XKR4: variants seen among roughly 807,000 people sequenced by gnomAD.
The protein encoded by XKR4 is XK-related protein 4.
Under a neutral mutation model 53.9 loss-of-function variants are expected in XKR4, and 12 were observed. That is an observed-to-expected ratio of 0.22 (90% CI 0.14 to 0.36). The LOEUF (loss-of-function observed/expected upper bound fraction) is 0.36. Among genes scored for constraint, XKR4 ranks in the 10% least tolerant of loss-of-function variants. The pLI is 1.00. For missense variants in XKR4, 799 were observed against 859.5 expected, an observed-to-expected ratio of 0.93 and a Z score of 0.88; for synonymous variants, 354 against 362.4, an observed-to-expected ratio of 0.98 and a Z score of 0.26.
Position 55,523,973 on chromosome 8 carries a change from G to A in XKR4, c.1699G>A (p.Asp567Asn). Reference sequence around the variant, plus strand: ...CCGCGATCAGAAATTCGCAGAGCGGGATGGGTGTGTACCTGTCTTTCAAGT... The same window carrying A: ...CCGCGATCAGAAATTCGCAGAGCGGAATGGGTGTGTACCTGTCTTTCAAGT... The part of the protein sequence containing the change: ...SDRDQKFAER[D>N]GCVPVFQVRP... The change falls in exon 3 of 3, where the codon GAT becomes AAT. Residue 567 changes from aspartate (D) to asparagine (N), a missense_variant. Asp to Asn is a conservative substitution (Grantham distance 23, BLOSUM62 1). Around this residue, in one of 3 missense-constraint regions of XKR4, gnomAD observed 269 missense variants for 264.4 expected, o/e 1.02. Coordinates refer to ENST00000327381, the MANE Select transcript of XKR4 (RefSeq NM_052898.2). The A allele has an allele frequency of 6.2e-7, 1 of 1,614,166 alleles. No individual in the cohort carries two copies. The highest frequency in any genetic ancestry group is 8.5e-7 in the Non-Finnish European group (1 of 1,180,034).
At chr8:55,355,683 A>C (rs1327958516) in intron 1 of XKR4, among the ~76,000 whole-genome samples, 2 of 152,228 alleles carry the variant, frequency 1.3e-5, no homozygotes, top group African/African-American at 4.8e-5. Flanking sequence ...TTTCCATAAG[A>C]ACACTAGGCT....
chr8:55,299,843 G>A (rs1038541256), intron 1 of XKR4, among the ~76,000 whole-genome samples: 3 of 152,082 alleles, frequency 2.0e-5, no homozygotes, highest in Non-Finnish European at 2.9e-5. Flanking sequence ...TGGTACATTC[G>A]AGGTCTCTGT....
At chr8:55,463,107 G>A (rs1339440504) in intron 2 of XKR4, among the ~76,000 whole-genome samples, 19 of 152,128 alleles carry the variant, frequency 1.2e-4, no homozygotes, top group Admixed American at 1.2e-3. Context: ...ATTGAACTCA[G>A]CTCTACACCA....
chr8:55,430,532 A>T (rs1406288716), intron 2 of XKR4, among the ~76,000 whole-genome samples: 2 of 152,118 alleles, frequency 1.3e-5, no homozygotes, highest in African/African-American at 2.4e-5. Flanking sequence ...GGATGGAGGG[A>T]GGTGTTGTGG....
At chr8:55,285,310 A>T (rs1563315260) in intron 1 of XKR4, among the ~76,000 whole-genome samples, 1 of 152,178 alleles carries the variant, frequency 6.6e-6, no homozygotes, top group Non-Finnish European at 1.5e-5. Flanking sequence ...CATGGAATGG[A>T]TGTGAGTAGG....
At chr8:55,178,141 C>T (rs748754482) in intron 1 of XKR4, among the ~76,000 whole-genome samples, 3 of 152,178 alleles carry the variant, frequency 2.0e-5, no homozygotes, top group Admixed American at 2.0e-4. Flanking sequence ...ATGGACAAAG[C>T]GATAAGAAGC....
At chr8:55,139,051 A>G (rs888703283) in intron 1 of XKR4, among the ~76,000 whole-genome samples, 2 of 152,220 alleles carry the variant, frequency 1.3e-5, no homozygotes, top group African/African-American at 4.8e-5. Context: ...GAAAGTGTAC[A>G]TGGTACCTGT....
At chr8:55,248,820 A>T (rs1443808274) in intron 1 of XKR4, among the ~76,000 whole-genome samples, 1 of 151,758 alleles carries the variant, frequency 6.6e-6, no homozygotes, top group Non-Finnish European at 1.5e-5. Flanking sequence ...GGAGTCTCAG[A>T]GTGTCCCAGG....
intron 1 of XKR4, among the ~76,000 whole-genome samples, chr8:55,274,613 A>G (rs1818739410): frequency 6.6e-6 from 1 of 152,142 alleles, no homozygotes; most frequent in African/African-American, 2.4e-5. Flanking sequence ...TTGTATTTTC[A>G]GTAGAGACGG....
At chr8:55,449,937 C>T in intron 2 of XKR4, 1 of 884,018 alleles carries the variant, frequency 1.1e-6, no homozygotes, top group South Asian at 1.3e-5. Flanking sequence ...TCTGGTCACT[C>T]TCCAGGCTGA....
chr8:55,111,289 C>T (rs575145554), intron 1 of XKR4, among the ~76,000 whole-genome samples: 4 of 152,136 alleles, frequency 2.6e-5, no homozygotes, highest in South Asian at 4.2e-4. Context: ...CTGTATGATG[C>T]GATTGGTTAA....
rs1807020919 is a variant in XKR4, at chr8:55,535,589, G to A, written c.*11362G>A. The stretch of plus-strand genomic sequence containing the variant: ...AGCAATAAATAGTCCTCTTAAGCAA[G>A]GTTCATGGGTAAGAGTTACTCTAGC... On this transcript the variant is annotated 3_prime_UTR_variant, in exon 3 of 3. Coordinates refer to ENST00000327381, the MANE Select transcript of XKR4 (RefSeq NM_052898.2). 1 of 152,166 alleles carries A rather than the reference G, an allele frequency of 6.6e-6. No individual in the cohort carries two copies. Among genetic ancestry groups the A allele is most frequent in the African/African-American group, 2.4e-5 (1 of 41,424 alleles). 9.4% of individuals were successfully genotyped at this position (152,166 alleles called of 1,614,324 possible).
chr8:55,330,930 C>T (rs2129380690), intron 1 of XKR4, among the ~76,000 whole-genome samples: 1 of 152,196 alleles, frequency 6.6e-6, no homozygotes, highest in South Asian at 2.1e-4. Flanking sequence ...GCTTGCTGTA[C>T]AATCTTTTTT....
intron 1 of XKR4, among the ~76,000 whole-genome samples, chr8:55,198,820 G>A (rs1006296185): frequency 2.6e-5 from 4 of 152,132 alleles, no homozygotes; most frequent in African/African-American, 9.7e-5. Flanking sequence ...ATTAGGACAA[G>A]CATAACAAAC....
chr8:55,348,901 T>C (rs1563329918), intron 1 of XKR4, among the ~76,000 whole-genome samples: 1 of 151,968 alleles, frequency 6.6e-6, no homozygotes, highest in Admixed American at 6.6e-5. Flanking sequence ...TAAATACAGA[T>C]AGACAGAGAG....
At chr8:55,257,477 AG>A (rs968120537) in intron 1 of XKR4, among the ~76,000 whole-genome samples, 2 of 151,934 alleles carry the variant, frequency 1.3e-5, no homozygotes, top group African/African-American at 4.8e-5. Flanking sequence ...AGAGAGAGAA[AG>A]GGCATGTACT....
rs187121078 is a variant in XKR4, at chr8:55,462,858, A to G, written c.1007-60423A>G. Among the ~76,000 whole-genome samples the G allele has an allele frequency of 1.8e-3, 267 of 152,308 alleles. 1 individual carries two copies. The highest frequency in any genetic ancestry group is 6.0e-3 in the African/African-American group (251 of 41,556). ...AGGTAAAACAGACTTTAAACCAACA[A>G]AGATCAAAAGAGACAAAGAAGGCCA... is the stretch of plus-strand genomic sequence containing the variant. On this transcript the variant is annotated intron_variant, in intron 2 of 2. Coordinates refer to ENST00000327381, the MANE Select transcript of XKR4 (RefSeq NM_052898.2).
chr8:55,103,869 A>G (rs1035386181), intron 1 of XKR4, among the ~76,000 whole-genome samples: 23 of 138,078 alleles, frequency 1.7e-4, no homozygotes, highest in South Asian at 7.0e-4. Flanking sequence ...ATATATATAT[A>G]TATATATATA....
At chr8:55,367,947 GTTTTGT>G (rs1326264860) in intron 2 of XKR4, among the ~76,000 whole-genome samples, 13 of 151,878 alleles carry the variant, frequency 8.6e-5, no homozygotes, top group Admixed American at 7.2e-4. Context: ...GATGCGTTTT[GTTTTGT>G]TTTTGTTTTT....
Sources: allele counts gnomAD v4.1 joint callset (sites outside exome capture counted in the v4.1 genomes callset), GRCh38; gene constraint gnomAD v4.1.1; regional missense constraint gnomAD v4.1.1; transcripts MANE v1.5; gene names NCBI Gene and HGNC (gene_info 2026-07-23, HGNC 2026-07-21).